Variants in URI1 observed in about 807,000 individuals in gnomAD.
The protein encoded by URI1 is unconventional prefoldin RPB5 interactor 1.
URI1 carries 39 observed loss-of-function variants against 60.2 expected under a neutral mutation model. The observed-to-expected ratio is 0.65, with a 90% confidence interval of 0.50 to 0.85. URI1 has a LOEUF of 0.85. Among genes scored for constraint, URI1 ranks in the 40% least tolerant of loss-of-function variants. URI1 has a pLI of 0.00. For synonymous variants in URI1, 251 were observed against 236.8 expected (o/e 1.06, Z -0.55); for missense variants, 691 against 665.9 (o/e 1.04, Z -0.42).
At chr19:30,007,284 C>T (rs972752619) in intron 6 of URI1, among the ~76,000 whole-genome samples, 186 bp from the exon 7 acceptor site, 1 of 151,976 alleles carries the variant, frequency 6.6e-6, no homozygotes, top group African/African-American at 2.4e-5. Context: ...GCTGTTGATC[C>T]ATGGACCACA....
At chr19:30,001,763 A>G (rs946071120) in intron 4 of URI1, among the ~76,000 whole-genome samples, 6 of 151,932 alleles carry the variant, frequency 3.9e-5, no homozygotes, top group Non-Finnish European at 8.8e-5. Flanking sequence ...TCAGTTGTGC[A>G]GTTTCCAAAA....
chr19:29,941,274 C>G (rs1390377203), upstream of URI1, among the ~76,000 whole-genome samples: 1 of 152,080 alleles, frequency 6.6e-6, no homozygotes, highest in African/African-American at 2.4e-5. Flanking sequence ...TAATAGGAGG[C>G]TGTACAAAGG....
chr19:29,978,569 A>C (rs560186930), intron 2 of URI1, among the ~76,000 whole-genome samples: 2 of 152,164 alleles, frequency 1.3e-5, no homozygotes, highest in Non-Finnish European at 2.9e-5. Flanking sequence ...GAAGATGTGA[A>C]TATTGCAACA....
chr19:29,996,795 G>A (rs1344666877), intron 4 of URI1, among the ~76,000 whole-genome samples: 1 of 151,074 alleles, frequency 6.6e-6, no homozygotes, highest in African/African-American at 2.4e-5. Flanking sequence ...CTAATTTATT[G>A]AGTTTTTTTT....
At chr19:30,003,164 C>T (rs750254760) in intron 4 of URI1, among the ~76,000 whole-genome samples, 41 of 151,918 alleles carry the variant, frequency 2.7e-4, no homozygotes, top group Non-Finnish European at 5.7e-4. Flanking sequence ...CGAATTTAGA[C>T]TTGTTATTTA....
At position 30,007,479 on chromosome 19, in the gene URI1, G is replaced by A. The variant is rs772890952; in HGVS notation, c.527G>A (p.Arg176Gln). The A allele has an allele frequency of 2.0e-5, 32 of 1,612,168 alleles. No homozygotes were observed. The highest frequency in any genetic ancestry group is 2.7e-5 in the African/African-American group (2 of 74,682). ...TCCTTTTTCTAAATAGCAAAACACCGAATTGCTCATAAACCGCATTCCAAA... is the reference window on the plus strand; with the variant it reads ...TCCTTTTTCTAAATAGCAAAACACCAAATTGCTCATAAACCGCATTCCAAA... ...KCDFEFKAKH[R>Q]IAHKPHSKPK... The change falls in exon 7 of 11, where the codon CGA (arginine) becomes CAA (glutamine). Residue 176 changes from arginine (R) to glutamine (Q), a missense_variant. Transcript: ENST00000392271.
chr19:30,013,989 AGAG>A (rs780427921), intron 10 of URI1, among the ~76,000 whole-genome samples: 10 of 151,984 alleles, frequency 6.6e-5, no homozygotes, highest in Non-Finnish European at 1.5e-4. Flanking sequence ...CTTGGTAGAC[AGAG>A]GAGAACAAAA....
chr19:30,008,001 C>T (rs552545253), intron 7 of URI1, among the ~76,000 whole-genome samples: 1 of 151,640 alleles, frequency 6.6e-6, no homozygotes, highest in Non-Finnish European at 1.5e-5. Flanking sequence ...TATGCCACAC[C>T]CAGGATAGTG....
intron 1 of URI1, among the ~76,000 whole-genome samples, chr19:29,966,261 C>A (rs768730327): frequency 2.0e-5 from 3 of 151,992 alleles, no homozygotes; most frequent in Non-Finnish European, 4.4e-5. Flanking sequence ...ATTCAAGCTA[C>A]CTGAGTAGCT....
chr19:29,965,557 A>G (rs1167541886), intron 1 of URI1, among the ~76,000 whole-genome samples: 2 of 152,192 alleles, frequency 1.3e-5, no homozygotes, highest in Non-Finnish European at 2.9e-5. Flanking sequence ...TTGAATATTC[A>G]TATGTTTCAT....
rs536667839 is a variant in URI1 at position 29,956,639 on chromosome 19, A to G, written c.117+13975A>G. On this transcript the variant is annotated intron_variant, in intron 1 of 10. Coordinates refer to ENST00000392271, the MANE Select transcript of URI1 (RefSeq NM_003796.3). ...ACCCTGCGGATGTATTTTTCACCCA[A>G]GAAATTTCGGATTTCAACAAGAGAC... 1.5e-4 allele frequency: 221 copies of G among 1,518,182 alleles called. No homozygotes were observed. In the East Asian group the frequency reaches 2.6e-3, roughly 18 times the overall value. The allele number at this position is 1,518,182 out of a possible 1,614,324, so 94.0% of individuals were successfully genotyped here. A position where few individuals can be genotyped will look rare whatever the true frequency, so the allele number is the denominator to read the frequency against.
intron 1 of URI1, among the ~76,000 whole-genome samples, chr19:29,945,025 G>A (rs994428898): frequency 2.0e-5 from 3 of 152,158 alleles, no homozygotes; most frequent in Non-Finnish European, 2.9e-5. Flanking sequence ...TGTCATAGTA[G>A]CTTCATATGT....
chr19:29,991,774 G>A (rs2055749828), intron 4 of URI1, among the ~76,000 whole-genome samples: 1 of 152,102 alleles, frequency 6.6e-6, no homozygotes, highest in Non-Finnish European at 1.5e-5. Context: ...TAAGTTTAGG[G>A]AACTTTCTAC....
At chr19:29,957,169 C>T (rs1425575519) in intron 1 of URI1, among the ~76,000 whole-genome samples, 1 of 152,084 alleles carries the variant, frequency 6.6e-6, no homozygotes, top group Non-Finnish European at 1.5e-5. Context: ...TTTCTGTTGA[C>T]ATCTGCAACT....
chr19:29,947,214 T>A (rs978595422), intron 1 of URI1, among the ~76,000 whole-genome samples: 1 of 152,234 alleles, frequency 6.6e-6, no homozygotes, highest in Non-Finnish European at 1.5e-5. Context: ...GGAATGTGTT[T>A]TGAGGCTGAT....
intron 6 of URI1, 107 bp from the exon 7 acceptor site, chr19:30,007,363 T>C: frequency 1.6e-6 from 2 of 1,268,618 alleles, no homozygotes; most frequent in South Asian, 1.5e-5. Flanking sequence ...TTGTGACCCC[T>C]CTGTTTCAAT....
At chr19:29,951,337 G>A (rs2055177183) in intron 1 of URI1, among the ~76,000 whole-genome samples, 1 of 152,002 alleles carries the variant, frequency 6.6e-6, no homozygotes, top group Admixed American at 6.6e-5. Context: ...CAGTTATATT[G>A]GTGTTTGCTA....
intron 6 of URI1, among the ~76,000 whole-genome samples, chr19:30,007,202 C>T (rs868637923): frequency 1.8e-4 from 28 of 152,032 alleles, no homozygotes; most frequent in African/African-American, 6.0e-4. Flanking sequence ...TGTTGAAATA[C>T]AGATTCTGAT....
chr19:29,962,209 A>T (rs149312853), intron 1 of URI1, among the ~76,000 whole-genome samples: 2 of 151,264 alleles, frequency 1.3e-5, no homozygotes, highest in Non-Finnish European at 2.9e-5. Context: ...TGGAGTGTCA[A>T]ATGGTTCCCC....
Sources: gnomAD v4.1 joint callset for allele counts (sites outside exome capture counted in the v4.1 genomes callset) on GRCh38, gnomAD v4.1.1 for gene constraint, MANE v1.5 for transcripts, NCBI Gene and HGNC (gene_info 2026-07-23, HGNC 2026-07-21) for gene names.